The following TNRC6B variants were observed in gnomAD, a reference collection of about 807,000 sequenced individuals.
The protein encoded by TNRC6B is trinucleotide repeat containing adaptor 6B.
A neutral mutation model predicts 203.6 loss-of-function variants in TNRC6B; 52 were observed. The observed-to-expected ratio is 0.26, with a 90% CI of 0.20 to 0.32. The LOEUF (loss-of-function observed/expected upper bound fraction) is 0.32, where lower values mean the gene tolerates loss of function less well. Ranked by LOEUF, TNRC6B falls within the 10% of genes least tolerant of loss-of-function variation. The probability of loss-of-function intolerance (pLI) is 1.00; values close to 1 mark genes in which losing one functional copy is unlikely to be tolerated. For synonymous variants in TNRC6B, 838 were observed against 845.7 expected (o/e 0.99, Z 0.16); for missense variants, 1,923 against 2,286.2 (o/e 0.84, Z 3.24).
rs750141934 is a variant in TNRC6B at position 40,266,368 on chromosome 22, G to C, written c.2138G>C (p.Arg713Pro). The C allele has an allele frequency of 6.2e-7, 1 of 1,612,616 alleles. No homozygotes were observed. ...NNNSSNWGGGRPDEKTPSSWN... is the reference protein window; with the variant it reads ...NNNSSNWGGGPPDEKTPSSWN... ...AACTCTTCCAACTGGGGAGGAGGACGACCTGATGAAAAGACACCTTCCTCT... is the reference window on the plus strand; with the variant it reads ...AACTCTTCCAACTGGGGAGGAGGACCACCTGATGAAAAGACACCTTCCTCT... The change falls in exon 5 of 23, where the codon CGA (arginine) becomes CCA (proline). Residue 713 changes from arginine to proline, a missense_variant. This residue lies in a region of TNRC6B where 599 missense variants were observed against 656.5 expected (regional missense o/e 0.91). Transcript: ENST00000454349.
At position 40,089,363 on chromosome 22, in the gene TNRC6B, G is replaced by A. The variant is rs2068129716; in HGVS notation, c.-120-27692G>A. On this transcript the variant is annotated intron_variant, in intron 1 of 23. Transcript: ENST00000301923. The stretch of plus-strand genomic sequence containing the variant: ...TTCTCTTGCCTCAGCCTCCCCGGTA[G>A]CTGGGATTACAGGCACACACTACCA... Among the ~76,000 whole-genome samples the A allele has an allele frequency of 2.0e-5, 3 of 152,110 alleles. No individual in the cohort carries two copies. In the South Asian group the frequency reaches 6.2e-4, roughly 32 times the overall value.
chr22:40,077,097 A>G (rs1391989233), intron 1 of TNRC6B, among the ~76,000 whole-genome samples: 1 of 116,638 alleles, frequency 8.6e-6, no homozygotes, highest in African/African-American at 3.3e-5. Context: ...AGAAAGAGGG[A>G]GGGAGAGGAG....
intron 15 of TNRC6B, among the ~76,000 whole-genome samples, chr22:40,302,573 C>T (rs1259088093): frequency 6.7e-6 from 1 of 148,460 alleles, no homozygotes; most frequent in Non-Finnish European, 1.5e-5. Flanking sequence ...ACGGAGGTTG[C>T]AGTGAGCTGA....
At chr22:40,246,863 A>G (rs2070114374) in intron 2 of TNRC6B, among the ~76,000 whole-genome samples, 1 of 152,094 alleles carries the variant, frequency 6.6e-6, no homozygotes, top group Admixed American at 6.6e-5. Context: ...GAAAGGATCT[A>G]GTGAGCCCAC....
At chr22:40,126,580 ATTTTTTTT>A (rs955369459) in intron 3 of TNRC6B, among the ~76,000 whole-genome samples, 1 of 88,784 alleles carries the variant, frequency 1.1e-5, no homozygotes, top group South Asian at 4.2e-4. Context: ...ACGTTATTTA[ATTTTTTTT>A]TTTTTTTTTT....
Position 40,263,034 on chromosome 22 carries a change from C to T in TNRC6B, c.457+861C>T, listed in dbSNP as rs769795011. ...CAGCCTGGGTGACAGAGCCAGACTC[C>T]GTCTTAAAAAAAAAAAAAAAAAAGT... On this transcript the variant is annotated intron_variant, in intron 4 of 22. Transcript: ENST00000454349. 3.5e-3 allele frequency among the ~76,000 whole-genome samples: 472 copies of T among 133,400 alleles called. 2 individuals are homozygous for T. The highest frequency in any genetic ancestry group is 5.0e-3 in the Non-Finnish European group (298 of 60,066). The allele number at this position is 133,400 out of a possible 152,430, so 87.5% of individuals were successfully genotyped here. A position where few individuals can be genotyped will look rare whatever the true frequency, so the allele number is the denominator to read the frequency against.
intron 15 of TNRC6B, among the ~76,000 whole-genome samples, chr22:40,302,580 C>T (rs2071037184): frequency 6.7e-6 from 1 of 149,986 alleles, no homozygotes; most frequent in South Asian, 2.1e-4. Context: ...TTGCAGTGAG[C>T]TGAGATTGTG....
intron 4 of TNRC6B, among the ~76,000 whole-genome samples, chr22:40,159,574 G>A (rs892382836): frequency 1.3e-5 from 2 of 151,772 alleles, no homozygotes; most frequent in Admixed American, 6.6e-5. Context: ...AGAAGGCGGA[G>A]CTTGCAGTGA....
intron 21 of TNRC6B, among the ~76,000 whole-genome samples, chr22:40,319,732 A>G (rs2071310670): frequency 6.6e-6 from 1 of 151,994 alleles, no homozygotes; most frequent in Non-Finnish European, 1.5e-5. Context: ...CAACTTTTCT[A>G]TTTTAGTCTC....
chr22:40,262,535 CTGTGTTA>C (rs1348065445), intron 4 of TNRC6B, among the ~76,000 whole-genome samples: 1 of 152,062 alleles, frequency 6.6e-6, no homozygotes, highest in African/African-American at 2.4e-5. Context: ...CTTTAGATGC[CTGTGTTA>C]TGTTTCCAGA....
chr22:40,067,845 C>G (rs556833662), intron 1 of TNRC6B, among the ~76,000 whole-genome samples: 1 of 152,270 alleles, frequency 6.6e-6, no homozygotes, highest in Non-Finnish European at 1.5e-5. Flanking sequence ...TCAGTCTCCT[C>G]TGGAAACACC....
At chr22:40,256,177 C>T (rs2070274187) in intron 3 of TNRC6B, among the ~76,000 whole-genome samples, 1 of 151,852 alleles carries the variant, frequency 6.6e-6, no homozygotes, top group Admixed American at 6.6e-5. Context: ...GCAGCTGGTT[C>T]GGTGATAAGT....
At chr22:40,191,496 G>A (rs1378336687) in intron 1 of TNRC6B, among the ~76,000 whole-genome samples, 3 of 152,190 alleles carry the variant, frequency 2.0e-5, no homozygotes, top group Admixed American at 1.3e-4. Flanking sequence ...TATTAGTGGA[G>A]CACAAGGGTT....
intron 4 of TNRC6B, among the ~76,000 whole-genome samples, chr22:40,163,477 A>AC (rs1328564140): frequency 2.9e-5 from 4 of 135,808 alleles, no homozygotes; most frequent in Non-Finnish European, 4.7e-5. Context: ...AAAAAAAAAA[A>AC]AAAGGCCAGG....
chr22:40,287,327 G>A (rs758281933), intron 12 of TNRC6B, among the ~76,000 whole-genome samples: 12 of 152,160 alleles, frequency 7.9e-5, no homozygotes, highest in Non-Finnish European at 1.3e-4. Context: ...TTTTTGAAAT[G>A]CCCTTTAAGA....
At chr22:40,308,478 G>A (rs759451913) in intron 15 of TNRC6B, 34 bp from the exon 16 acceptor site, 5 of 1,613,390 alleles carry the variant, frequency 3.1e-6, no homozygotes, top group African/African-American at 1.3e-5. Context: ...TACTGATGCT[G>A]GAGACTTATA....
chr22:40,184,624 G>A (rs1292494165), intron 1 of TNRC6B, among the ~76,000 whole-genome samples: 1 of 152,194 alleles, frequency 6.6e-6, no homozygotes, highest in African/African-American at 2.4e-5. Flanking sequence ...CTGGGACATT[G>A]CACGTCAGAC....
In TNRC6B at chr22:40,281,198, A is replaced by G; in HGVS notation, c.3491A>G (p.Tyr1164Cys). The part of the protein sequence containing the change: ...PCSPFSPSPS[Y>C]KLSPSGSTLP... ...TCTCCCTTCTCCCCTTCTCCCAGCT[A>G]CAAGCTGTCTCCCTCTGGTTCCACA... The change falls in exon 11 of 23, where the codon TAC (tyrosine) becomes TGC (cysteine). Residue 1164 changes from tyrosine to cysteine, a missense_variant. Tyr to Cys is a radical substitution (Grantham distance 194). This residue lies in a region of TNRC6B where 599 missense variants were observed against 656.5 expected (regional missense o/e 0.91). Transcript: ENST00000454349. 14 of 1,551,592 alleles carry G rather than the reference A, an allele frequency of 9.0e-6. No homozygotes were observed. Among genetic ancestry groups the G allele is most frequent in the Non-Finnish European group, 1.2e-5 (14 of 1,146,920 alleles).
At chr22:40,216,625 C>T (rs2069638510) in intron 1 of TNRC6B, among the ~76,000 whole-genome samples, 1 of 151,988 alleles carries the variant, frequency 6.6e-6, no homozygotes, top group South Asian at 2.1e-4. Flanking sequence ...AATAAAAAAA[C>T]AGAAACAAAA....
Sources: gnomAD v4.1 joint callset for allele counts (sites outside exome capture counted in the v4.1 genomes callset) on GRCh38, gnomAD v4.1.1 for gene constraint, gnomAD v4.1.1 regional missense constraint, MANE v1.5 for transcripts, NCBI Gene and HGNC (gene_info 2026-07-23, HGNC 2026-07-21) for gene names.